Variants in ARL2BP observed in about 807,000 individuals in gnomAD.
ARL2BP encodes the protein ADP-ribosylation factor-like protein 2-binding protein.
ARL2BP carries 19 observed loss-of-function variants against 24.2 expected under a neutral mutation model. That is an observed-to-expected ratio of 0.79 (90% confidence interval 0.55 to 1.15). ARL2BP has a LOEUF of 1.15. ARL2BP is among the 50% of genes most tolerant of loss of function. ARL2BP has a pLI of 0.00. For synonymous variants in ARL2BP, 56 were observed against 70.5 expected (o/e 0.79, Z 1.03); for missense variants, 160 against 190.4 (o/e 0.84, Z 0.94).
intron 1 of ARL2BP, chr16:57,245,712 C>T: frequency 3.8e-6 from 2 of 529,684 alleles, no homozygotes; most frequent in Non-Finnish European, 6.7e-6. Context: ...GCCCGAGGCC[C>T]CTCCACCCCT....
chr16:57,246,063 C>A lies in ARL2BP; in HGVS notation c.39-17C>A, dbSNP rs1250378648. Reference sequence around the variant, plus strand: ...TGCATTATTTGAAATAGCACCTAATCCAGGCATGTTTTTCAGCTCCTCCGC... The same window carrying A: ...TGCATTATTTGAAATAGCACCTAATACAGGCATGTTTTTCAGCTCCTCCGC... On this transcript the variant is annotated splice_polypyrimidine_tract_variant and intron_variant, in intron 1 of 5. Coordinates refer to ENST00000219204, the MANE Select transcript of ARL2BP (RefSeq NM_012106.4). 4 of 1,613,366 alleles carry A rather than the reference C, an allele frequency of 2.5e-6. No homozygotes were observed. In the South Asian group the frequency reaches 4.4e-5, roughly 18 times the overall value.
intron 3 of ARL2BP, chr16:57,249,517 G>A (rs1229612377): frequency 1.6e-5 from 8 of 512,096 alleles, no homozygotes; most frequent in Non-Finnish European, 2.1e-5. Context: ...GCTACTCACT[G>A]TCTCCACCTG....
chr16:57,248,785 G>T, intron 3 of ARL2BP, 142 bp downstream of exon 3: 1 of 476,536 alleles, frequency 2.1e-6, no homozygotes, highest in Non-Finnish European at 3.7e-6. Flanking sequence ...TCTGGTTTAA[G>T]TTCATTTTCC....
chr16:57,252,357 C>G lies in ARL2BP; in HGVS notation c.*90C>G. The G allele has an allele frequency of 6.2e-7, 1 of 1,606,310 alleles. No homozygotes were observed. ...GATGACAGAACACATCTTGGAAAGA[C>G]TGACTCTGTTATGTAACTCTTCATT... On this transcript the variant is annotated 3_prime_UTR_variant, in exon 6 of 6. Coordinates refer to ENST00000219204, the MANE Select transcript of ARL2BP (RefSeq NM_012106.4).
rs1324874236 is a variant in ARL2BP at position 57,245,363 on chromosome 16, C to G, written c.-5C>G. On this transcript the variant is annotated 5_prime_UTR_variant, in exon 1 of 6. Coordinates refer to ENST00000219204, the MANE Select transcript of ARL2BP (RefSeq NM_012106.4). Reference sequence around the variant, plus strand: ...CGGGGTTGGAGCCTACTCGGGGCGACTGCGATGGACGCCTTAGAAGGAGAG... The same window carrying G: ...CGGGGTTGGAGCCTACTCGGGGCGAGTGCGATGGACGCCTTAGAAGGAGAG... 2 of 1,605,940 alleles carry G rather than the reference C, an allele frequency of 1.2e-6. No homozygotes were observed. The highest frequency in any genetic ancestry group is 3.4e-5 in the Admixed American group (2 of 58,642).
chr16:57,252,050 TC>T, intron 5 of ARL2BP, 115 bp from the exon 6 acceptor site: 1 of 768,154 alleles, frequency 1.3e-6, no homozygotes, highest in Non-Finnish European at 2.2e-6. Context: ...TGTGTTCCCT[TC>T]CTATGTACTC....
rs1277751091 is a variant in ARL2BP at position 57,253,049 on chromosome 16, C to G, written c.*782C>G. ...AGATCAAAGTATTATATGCTGTGTGCTTTTTAGGTGTTTGTTAGTACTGTG... is the reference window on the plus strand; with the variant it reads ...AGATCAAAGTATTATATGCTGTGTGGTTTTTAGGTGTTTGTTAGTACTGTG... On this transcript the variant is annotated 3_prime_UTR_variant, in exon 6 of 6. Transcript: ENST00000219204. 6.6e-6 allele frequency: 1 copy of G among 152,548 alleles called. No homozygotes were observed. The highest frequency in any genetic ancestry group is 1.9e-4 in the East Asian group (1 of 5,196). The allele number at this position is 152,548 out of a possible 1,614,324, so 9.4% of individuals were successfully genotyped here.
intron 2 of ARL2BP, 102 bp downstream of exon 2, chr16:57,246,243 C>G: frequency 8.5e-7 from 1 of 1,181,970 alleles, no homozygotes; most frequent in Non-Finnish European, 1.2e-6. Flanking sequence ...ATCAAGCTGC[C>G]TGCAATTTTT....
At chr16:57,245,835 T>G (rs943903396) in intron 1 of ARL2BP, 2 of 565,110 alleles carry the variant, frequency 3.5e-6, no homozygotes, top group East Asian at 3.0e-5. Flanking sequence ...GCTAAGAGCC[T>G]GGAGAACAAG....
At chr16:57,251,487 G>A (rs2075407646) in intron 5 of ARL2BP, 1 of 152,050 alleles carries the variant, frequency 6.6e-6, no homozygotes, top group Non-Finnish European at 1.5e-5. Context: ...GCTGAGGCAG[G>A]AGAATCACTT....
At position 57,245,312 on chromosome 16, in the gene ARL2BP, G is replaced by T; in HGVS notation, c.-56G>T. On this transcript the variant is annotated 5_prime_UTR_variant, in exon 1 of 6. Transcript: ENST00000219204. ...GGCCTTAACCCCGCCGGGCGGCCGC[G>T]CCCTGCATGCGAGTTGGGCCGCGGG... 6.3e-6 allele frequency: 10 copies of T among 1,579,540 alleles called. No homozygotes were observed. Among genetic ancestry groups the T allele is most frequent in the Non-Finnish European group, 7.7e-6 (9 of 1,163,832 alleles).
At chr16:57,252,090 T>C in intron 5 of ARL2BP, 76 bp from the exon 6 acceptor site, 1 of 1,342,598 alleles carries the variant, frequency 7.4e-7, no homozygotes, top group Non-Finnish European at 1.1e-6. Context: ...CCTTCAGCTC[T>C]GCCTTCCCCA....
chr16:57,250,126 C>A, intron 4 of ARL2BP: 1 of 590,284 alleles, frequency 1.7e-6, no homozygotes, highest in South Asian at 2.1e-5. Flanking sequence ...AGGCCCCGAC[C>A]CTACAAAAAA....
chr16:57,249,593 G>A, intron 3 of ARL2BP, 174 bp from the exon 4 acceptor site: 1 of 608,174 alleles, frequency 1.6e-6, no homozygotes, highest in East Asian at 2.8e-5. Context: ...ACCAGGCTGA[G>A]TACTTCTCCA....
rs112888944 is a variant in ARL2BP at position 57,245,761 on chromosome 16, C to A, written c.39-319C>A. On this transcript the variant is annotated intron_variant, in intron 1 of 5. Transcript: ENST00000219204. Reference sequence around the variant, plus strand: ...CTCCCGGACTCCTGACCAAATGACCCCCCCCGGCAGGTGTTTCGCCCGTGC... The same window carrying A: ...CTCCCGGACTCCTGACCAAATGACCACCCCCGGCAGGTGTTTCGCCCGTGC... 474 of 503,050 alleles carry A rather than the reference C, an allele frequency of 9.4e-4. 7 individuals are homozygous for A. The East Asian group carries it at 0.013, about 14-fold the overall frequency. The allele number at this position is 503,050 out of a possible 1,614,324, so 31.2% of individuals were successfully genotyped here.
chr16:57,252,087 C>A, intron 5 of ARL2BP, 79 bp from the exon 6 acceptor site: 1 of 1,304,082 alleles, frequency 7.7e-7, no homozygotes, highest in Non-Finnish European at 1.1e-6. Flanking sequence ...CCACCTTCAG[C>A]TCTGCCTTCC....
intron 3 of ARL2BP, 99 bp from the exon 4 acceptor site, chr16:57,249,668 G>T: frequency 1.1e-6 from 1 of 919,778 alleles, no homozygotes; most frequent in South Asian, 1.4e-5. Context: ...GTGGCACACA[G>T]ACCTCAGGAA....
Position 57,250,430 on chromosome 16 carries a change from G to A in ARL2BP, c.313G>A (p.Ala105Thr). The change falls in exon 5 of 6, where the codon GCT becomes ACT. Residue 105 changes from alanine to threonine, a missense_variant. By Grantham distance (58) the Ala-to-Thr change is moderately conservative. Coordinates refer to ENST00000219204, the MANE Select transcript of ARL2BP (RefSeq NM_012106.4). ...TTLQHHKDEV[A>T]GDIFDMLLTF... The stretch of plus-strand genomic sequence containing the variant: ...TTGCAGGCACCATAAGGATGAAGTG[G>A]CTGGTGACATATTCGACATGCTGCT... The A allele has an allele frequency of 6.2e-7, 1 of 1,614,166 alleles. No individual in the cohort carries two copies. Among genetic ancestry groups the A allele is most frequent in the Non-Finnish European group, 8.5e-7 (1 of 1,180,016 alleles).
rs1275726830 is a variant in ARL2BP, at chr16:57,245,267, G to C, written c.-101G>C. On this transcript the variant is annotated 5_prime_UTR_variant, in exon 1 of 6. Coordinates refer to ENST00000219204, the MANE Select transcript of ARL2BP (RefSeq NM_012106.4). ...CGCTGACCCGACCTGGCAGTGAGCT[G>C]GCCGCGGCCTTGGCTGAGAGGCCTT... 7.0e-7 allele frequency: 1 copy of C among 1,428,916 alleles called. No homozygotes were observed. The highest frequency in any genetic ancestry group is 9.6e-7 in the Non-Finnish European group (1 of 1,047,078). 88.5% of individuals were successfully genotyped at this position (1,428,916 alleles called of 1,614,324 possible).
Sources: allele counts gnomAD v4.1 joint callset, GRCh38; gene constraint gnomAD v4.1.1; transcripts MANE v1.5; gene names NCBI Gene and HGNC (gene_info 2026-07-23, HGNC 2026-07-21).